The following WDR27 variants were observed in gnomAD, a reference collection of about 807,000 sequenced individuals.
WDR27 encodes WD repeat domain 27.
A neutral mutation model predicts 114.4 loss-of-function variants in WDR27; 100 were observed. The observed-to-expected ratio is 0.87, with a 90% CI of 0.74 to 1.03. The LOEUF is 1.03. Among genes scored for constraint, WDR27 ranks in the 50% least tolerant of loss-of-function variants. The pLI, the probability that WDR27 is intolerant of heterozygous loss-of-function variation, is 0.00. For missense variants in WDR27, 1,129 were observed against 1,092.9 expected (o/e 1.03, Z -0.47); for synonymous variants, 449 against 423.1 (o/e 1.06, Z -0.75).
In WDR27 at chr6:169,549,757, G is replaced by A. The variant is rs143342605; in HGVS notation, c.2645+22662C>T. Among the ~76,000 whole-genome samples the A allele has an allele frequency of 4.7e-3, 709 of 152,332 alleles. 4 individuals carry two copies. The highest frequency in any genetic ancestry group is 0.041 in the Middle Eastern group (12 of 294). On this transcript the variant is annotated intron_variant, in intron 25 of 25. Transcript: ENST00000448612. The stretch of plus-strand genomic sequence containing the variant: ...GAAGCTTAAACACATGCTATGCAGA[G>A]AAAGATGCCAATCTGAATAGGCTGC...
rs1393142291 is a variant in WDR27, at chr6:169,684,376, C to T, written c.189+4441G>A. 6.6e-6 allele frequency among the ~76,000 whole-genome samples: 1 copy of T among 152,124 alleles called. No homozygotes were observed. Among genetic ancestry groups the T allele is most frequent in the Non-Finnish European group, 1.5e-5 (1 of 68,010 alleles). ...CCCAAGAAGAAATACTTCTGGGCTG[C>T]CCAATGTCCCCGAGTCTCCAATAAA... On this transcript the variant is annotated intron_variant, in intron 2 of 25. Transcript: ENST00000448612. This position sits in a 1 kb window ranked among gnomAD's most constrained non-coding sequence, Gnocchi z 4.3.
At chr6:169,644,661 G>T (rs1192517544) in intron 16 of WDR27, among the ~76,000 whole-genome samples, 2 of 149,514 alleles carry the variant, frequency 1.3e-5, no homozygotes, top group African/African-American at 5.0e-5. Context: ...CTGTGGAAAA[G>T]CCTAGTTCAT....
Position 169,479,636 on chromosome 6 carries a change from C to T in WDR27, c.2646-22002G>A, listed in dbSNP as rs576988225. On this transcript the variant is annotated intron_variant, in intron 25 of 25. Transcript: ENST00000448612. ...TGAGTTATTATTTCTCATTTTGAAC[C>T]ATGTATCTAAAATGATATGTGCACA... Among the ~76,000 whole-genome samples the T allele has an allele frequency of 1.1e-3, 174 of 152,212 alleles. No individual in the cohort carries two copies. In the Middle Eastern group the frequency reaches 0.02, roughly 18 times the overall value.
intron 25 of WDR27, among the ~76,000 whole-genome samples, chr6:169,526,048 A>G (rs1562533176): frequency 6.6e-6 from 1 of 152,302 alleles, no homozygotes; most frequent in East Asian, 1.9e-4. Flanking sequence ...TCATGAAGAT[A>G]GATAGAGAAT....
At chr6:169,430,570 A>C in the WDR27 span, among the ~76,000 whole-genome samples, 1 of 152,216 alleles carries the variant, frequency 6.6e-6, no homozygotes, top group Non-Finnish European at 1.5e-5. Context: ...GGGAAGTTCA[A>C]ATGGAAAGCT....
chr6:169,582,418 T>A (rs571565545), intron 24 of WDR27, among the ~76,000 whole-genome samples: 1 of 152,336 alleles, frequency 6.6e-6, no homozygotes, highest in South Asian at 2.1e-4. Flanking sequence ...GCTGCAGACT[T>A]TTTTCCATAA....
the WDR27 span, among the ~76,000 whole-genome samples, chr6:169,449,825 G>A: frequency 4.9e-4 from 74 of 152,252 alleles, no homozygotes; most frequent in African/African-American, 1.7e-3. Context: ...CATAACCATC[G>A]TGGAAACTAA....
Position 169,670,587 on chromosome 6 carries a change from T to A in WDR27, c.438A>T (p.Ile146=). Residue 146 remains isoleucine (I), a synonymous_variant, in exon 4 of 26, where the codon ATA becomes ATT. Transcript: ENST00000448612. ...ATCTTACCTCAATATCCAGCATGAATATTTTGTTTCCAGCACACACGGCAA... is the reference window on the plus strand; with the variant it reads ...ATCTTACCTCAATATCCAGCATGAAAATTTTGTTTCCAGCACACACGGCAA... ...HVVAVCAGNK[I]FMLDIEQRFS... The A allele has an allele frequency of 6.2e-7, 1 of 1,613,978 alleles. No individual in the cohort carries two copies. Among genetic ancestry groups the A allele is most frequent in the Non-Finnish European group, 8.5e-7 (1 of 1,179,894 alleles).
chr6:169,530,650 T>C (rs892937330), intron 25 of WDR27, among the ~76,000 whole-genome samples: 2 of 152,286 alleles, frequency 1.3e-5, no homozygotes, highest in East Asian at 1.9e-4. Flanking sequence ...AGGTGGCCGA[T>C]GTTTATGGCT....
rs777725085 is a variant in WDR27 at position 169,653,086 on chromosome 6, G to A, written c.1403-1078C>T. 5.3e-5 allele frequency among the ~76,000 whole-genome samples: 8 copies of A among 152,198 alleles called. No homozygotes were observed. In the East Asian group the frequency reaches 5.8e-4, roughly 11 times the overall value. On this transcript the variant is annotated intron_variant, in intron 13 of 25. Transcript: ENST00000448612. ...AGCCGTCCATGGCGGCAGACAAGAC[G>A]AGCGGACCCCGTGGGTTGGACACGC...
intron 25 of WDR27, among the ~76,000 whole-genome samples, chr6:169,531,412 C>G (rs1264294743): frequency 3.9e-5 from 6 of 152,156 alleles, no homozygotes; most frequent in Non-Finnish European, 7.3e-5. Context: ...TCCAATCCAT[C>G]TGAGGAACAG....
chr6:169,487,035 GA>G (rs1437492785), intron 25 of WDR27, among the ~76,000 whole-genome samples: 1 of 152,174 alleles, frequency 6.6e-6, no homozygotes, highest in African/African-American at 2.4e-5. Flanking sequence ...GAGCAGACCG[GA>G]CTGGGTCCAG....
At chr6:169,480,692 T>C (rs4339464) in intron 25 of WDR27, among the ~76,000 whole-genome samples, 63,834 of 151,540 alleles carry the variant, frequency 0.42, 16,043 homozygotes, top group Non-Finnish European at 0.58. Flanking sequence ...ATCAGCACCC[T>C]GTGTCTAACT....
intron 21 of WDR27, among the ~76,000 whole-genome samples, chr6:169,616,027 A>G (rs2128189831): frequency 6.6e-6 from 1 of 152,108 alleles, no homozygotes; most frequent in Non-Finnish European, 1.5e-5. Flanking sequence ...GCAAGATTAT[A>G]TAAGCACTAG....
chr6:169,623,562 C>T (rs1275122135), intron 21 of WDR27, among the ~76,000 whole-genome samples: 1 of 152,176 alleles, frequency 6.6e-6, no homozygotes, highest in Admixed American at 6.5e-5. Context: ...ACAGAAGTCA[C>T]AGCCTGCGTA....
At chr6:169,564,272 C>T (rs1800107367) in intron 25 of WDR27, among the ~76,000 whole-genome samples, 1 of 152,216 alleles carries the variant, frequency 6.6e-6, no homozygotes, top group Non-Finnish European at 1.5e-5. Flanking sequence ...CTTCCACGTT[C>T]CTCTGCCTGC....
chr6:169,617,832 C>T (rs573183412), intron 21 of WDR27, among the ~76,000 whole-genome samples: 3 of 152,184 alleles, frequency 2.0e-5, no homozygotes, highest in South Asian at 2.1e-4. Flanking sequence ...GCACAACTGC[C>T]AGTATTCGCG....
rs553245138 is a variant in WDR27, at chr6:169,638,772, T to A, written c.1748-112A>T. ...CACAACTGGAACAGCATTTTTCAAG[T>A]AATTAGGGGCGCGCCAGGAGGCTTC... On this transcript the variant is annotated intron_variant, in intron 17 of 25. Transcript: ENST00000448612. 3.8e-5 allele frequency: 51 copies of A among 1,352,496 alleles called. No individual in the cohort carries two copies. In the East Asian group the frequency reaches 1.3e-3, roughly 34 times the overall value. 83.8% of individuals were successfully genotyped at this position (1,352,496 alleles called of 1,614,324 possible). A position where few individuals can be genotyped will look rare whatever the true frequency, so the allele number is the denominator to read the frequency against.
intron 7 of WDR27, chr6:169,664,629 T>C (rs1274026980): frequency 9.1e-7 from 1 of 1,095,860 alleles, no homozygotes; most frequent in Non-Finnish European, 1.1e-6. Context: ...ACGTCCCACA[T>C]GCCCTGGGTG....
Sources: allele counts gnomAD v4.1 joint callset (sites outside exome capture counted in the v4.1 genomes callset), GRCh38; gene constraint gnomAD v4.1.1; non-coding constraint Gnocchi (gnomAD v3.1); transcripts MANE v1.5; gene names NCBI Gene and HGNC (gene_info 2026-07-23, HGNC 2026-07-21).